MTA1: variants seen among roughly 807,000 people sequenced by gnomAD.
The protein encoded by MTA1 is metastasis-associated protein MTA1.
In MTA1, 15 loss-of-function variants were observed where a neutral mutation model predicts 97.0. The observed-to-expected ratio is 0.15, with a 90% CI of 0.10 to 0.24. The LOEUF (loss-of-function observed/expected upper bound fraction) is 0.24, where lower values mean the gene tolerates loss of function less well. MTA1 is among the 10% of genes least tolerant of loss of function. The pLI is 1.00. For missense variants in MTA1, 709 were observed against 1,015.1 expected (o/e 0.70, Z 4.10); for synonymous variants, 435 against 417.5 (o/e 1.04, Z -0.51).
rs782551933 is a variant in MTA1, at chr14:105,469,920, C to A, written c.1925C>A (p.Pro642Gln). ...VRLIRGGSLPPVKRRRMNWID... is the reference protein window; with the variant it reads ...VRLIRGGSLPQVKRRRMNWID... Reference sequence around the variant, plus strand: ...CTGATCCGGGGGGGCTCCCTGCCCCCAGTCAAGCGGCGGCGGATGAACTGG... The same window carrying A: ...CTGATCCGGGGGGGCTCCCTGCCCCAAGTCAAGCGGCGGCGGATGAACTGG... Residue 642 changes from proline (P) to glutamine (Q), a missense_variant, in exon 20 of 21, where the codon CCA (proline) becomes CAA (glutamine). Around this residue, in one of 2 missense-constraint regions of MTA1, gnomAD observed 388 missense variants for 421.6 expected, o/e 0.92. Coordinates refer to ENST00000331320, the MANE Select transcript of MTA1 (RefSeq NM_004689.4). 3 of 1,612,042 alleles carry A rather than the reference C, an allele frequency of 1.9e-6. No individual in the cohort carries two copies. Among genetic ancestry groups the A allele is most frequent in the Admixed American group, 1.7e-5 (1 of 59,924 alleles).
chr14:105,460,575 G>A, intron 9 of MTA1, 118 bp downstream of exon 9: 2 of 1,222,596 alleles, frequency 1.6e-6, no homozygotes, highest in Non-Finnish European at 2.2e-6. Flanking sequence ...CCCCTGCAGA[G>A]GTGCTGTCCC....
rs1555420622 is a variant in MTA1 at position 105,420,555 on chromosome 14, C to T, written c.28+492C>T. 6.6e-6 allele frequency among the ~76,000 whole-genome samples: 1 copy of T among 152,194 alleles called. No individual in the cohort carries two copies. Among genetic ancestry groups the T allele is most frequent in the African/African-American group, 2.4e-5 (1 of 41,456 alleles). On this transcript the variant is annotated intron_variant, in intron 1 of 20. Coordinates refer to ENST00000331320, the MANE Select transcript of MTA1 (RefSeq NM_004689.4). The surrounding 1 kb of genome is among the most constrained non-coding windows in gnomAD (Gnocchi z 5.3). ...CACGTTCCTCCCTAGAGCCCTCCTG[C>T]AGCCTGGCCCCGGGGCTTCCCCCAG...
At chr14:105,428,703 A>G (rs961833977) in intron 1 of MTA1, among the ~76,000 whole-genome samples, 3 of 136,960 alleles carry the variant, frequency 2.2e-5, no homozygotes, top group African/African-American at 8.3e-5. Flanking sequence ...TACAGAAACC[A>G]AAAAGAAGTG....
rs892301094 is a variant in MTA1, at chr14:105,420,569, G to T, written c.28+506G>T. On this transcript the variant is annotated intron_variant, in intron 1 of 20. Coordinates refer to ENST00000331320, the MANE Select transcript of MTA1 (RefSeq NM_004689.4). The surrounding 1 kb of genome is among the most constrained non-coding windows in gnomAD (Gnocchi z 5.3). The stretch of plus-strand genomic sequence containing the variant: ...GAGCCCTCCTGCAGCCTGGCCCCGG[G>T]GCTTCCCCCAGCAGGGATCCCTCAG... Among the ~76,000 whole-genome samples, 5 of 152,186 alleles carry T rather than the reference G, an allele frequency of 3.3e-5. No homozygotes were observed. The highest frequency in any genetic ancestry group is 1.2e-4 in the African/African-American group (5 of 41,454).
At chr14:105,427,352 TTTGGGGGCTC>T (rs2082043605) in intron 1 of MTA1, among the ~76,000 whole-genome samples, 1 of 152,082 alleles carries the variant, frequency 6.6e-6, no homozygotes, top group Non-Finnish European at 1.5e-5. Flanking sequence ...GCTTCTTGCA[TTTGGGGGCTC>T]TTGGTGATTT....
At chr14:105,425,676 C>T (rs2081987251) in intron 1 of MTA1, among the ~76,000 whole-genome samples, 1 of 151,056 alleles carries the variant, frequency 6.6e-6, no homozygotes, top group African/African-American at 2.4e-5. Flanking sequence ...ACCCCCACCC[C>T]CACCCCAGCT....
At chr14:105,429,604 A>C (rs1274637625) in intron 1 of MTA1, among the ~76,000 whole-genome samples, 2 of 151,760 alleles carry the variant, frequency 1.3e-5, no homozygotes, top group African/African-American at 4.8e-5. Flanking sequence ...GGTGCCCGCC[A>C]CTATGCCCGG....
chr14:105,432,827 A>C (rs587753912), intron 1 of MTA1, among the ~76,000 whole-genome samples: 5 of 152,332 alleles, frequency 3.3e-5, no homozygotes, highest in Admixed American at 1.3e-4. Context: ...GCATTGCCAC[A>C]CAGATTTGCA....
At chr14:105,443,220 G>T (rs1555426241) in intron 2 of MTA1, among the ~76,000 whole-genome samples, 1 of 152,154 alleles carries the variant, frequency 6.6e-6, no homozygotes, top group African/African-American at 2.4e-5. Flanking sequence ...AGAGCATGGT[G>T]GTCCCTGGGT....
At position 105,420,094 on chromosome 14, in the gene MTA1, C is replaced by G; in HGVS notation, c.28+31C>G. 1 of 1,029,686 alleles carries G rather than the reference C, an allele frequency of 9.7e-7. No homozygotes were observed. Among genetic ancestry groups the G allele is most frequent in the Non-Finnish European group, 1.2e-6 (1 of 854,026 alleles). The allele number at this position is 1,029,686 out of a possible 1,614,324, so 63.8% of individuals were successfully genotyped here. On this transcript the variant is annotated intron_variant, in intron 1 of 20. Transcript: ENST00000331320. The surrounding 1 kb of genome is among the most constrained non-coding windows in gnomAD (Gnocchi z 5.3). ...GCCGCACCGCCTTTATGCCCGGCCC[C>G]GACCCGCCCGCAGCCCCCACCCGCC...
chr14:105,452,281 A>G (rs961252015), intron 6 of MTA1, among the ~76,000 whole-genome samples: 2 of 152,270 alleles, frequency 1.3e-5, no homozygotes, highest in Admixed American at 6.5e-5. Flanking sequence ...CTCATGTCAC[A>G]GATAAGCAAG....
chr14:105,439,449 C>G (rs1239885293), intron 2 of MTA1, among the ~76,000 whole-genome samples: 1 of 152,206 alleles, frequency 6.6e-6, no homozygotes, highest in Admixed American at 6.5e-5. Flanking sequence ...CTCCTGGCCT[C>G]CACTGCCTCG....
intron 19 of MTA1, 51 bp from the exon 20 acceptor site, chr14:105,469,782 GCAGGTTGA>G: frequency 2.6e-6 from 2 of 762,162 alleles, no homozygotes; most frequent in Admixed American, 4.3e-5. Context: ...CGGGAGCCCT[GCAGGTTGA>G]GGTGGAGCTG....
At position 105,464,669 on chromosome 14, in the gene MTA1, C is replaced by A; in HGVS notation, c.1345-5C>A. The A allele has an allele frequency of 6.2e-7, 1 of 1,602,462 alleles. No individual in the cohort carries two copies. Among genetic ancestry groups the A allele is most frequent in the Non-Finnish European group, 8.5e-7 (1 of 1,172,566 alleles). ...GTGTTGGGGCGGTTGCGCCCCCTTC[C>A]GCAGAGTCCCCACGGCCTCCCAGCC... is the stretch of plus-strand genomic sequence containing the variant. On this transcript the variant is annotated splice_polypyrimidine_tract_variant and splice_region_variant and intron_variant, in intron 14 of 20. Coordinates refer to ENST00000331320, the MANE Select transcript of MTA1 (RefSeq NM_004689.4).
chr14:105,433,265 G>A (rs899188057), intron 1 of MTA1, among the ~76,000 whole-genome samples: 1 of 152,078 alleles, frequency 6.6e-6, no homozygotes, highest in Admixed American at 6.6e-5. Context: ...AAGCAGGGAC[G>A]CTCCCGTGAG....
At chr14:105,462,286 A>G (rs1167574187) in intron 10 of MTA1, among the ~76,000 whole-genome samples, 1 of 152,190 alleles carries the variant, frequency 6.6e-6, no homozygotes, top group African/African-American at 2.4e-5. Context: ...AATCCATGCC[A>G]CAGCCCGGGC....
At chr14:105,442,125 C>T (rs982475471) in intron 2 of MTA1, among the ~76,000 whole-genome samples, 1 of 152,156 alleles carries the variant, frequency 6.6e-6, no homozygotes, top group Admixed American at 6.5e-5. Flanking sequence ...AAGAGGGGCC[C>T]CTTCAAGGTG....
At position 105,451,789 on chromosome 14, in the gene MTA1, T is replaced by G. The variant is rs1478459389; in HGVS notation, c.432+1465T>G. Reference sequence around the variant, plus strand: ...TTTTTCTTTTTCTTTTTTTGTTTTTTTTTTTTTTTTTTTTTTTTGAGACAG... The same window carrying G: ...TTTTTCTTTTTCTTTTTTTGTTTTTGTTTTTTTTTTTTTTTTTTGAGACAG... On this transcript the variant is annotated intron_variant, in intron 6 of 20. Coordinates refer to ENST00000331320, the MANE Select transcript of MTA1 (RefSeq NM_004689.4). Among the ~76,000 whole-genome samples the G allele has an allele frequency of 2.8e-3, 387 of 139,982 alleles. 1 individual carries two copies. The highest frequency in any genetic ancestry group is 4.2e-3 in the Non-Finnish European group (270 of 64,512). 91.8% of individuals were successfully genotyped at this position (139,982 alleles called of 152,430 possible).
Position 105,470,704 on chromosome 14 carries a change from A to C in MTA1, c.*489A>C, listed in dbSNP as rs1222688118. ...ATATTAAACAAAAACAAAGAAAAAAAATCTTATAAAAAGGAAAAAAACCAA... is the reference window on the plus strand; with the variant it reads ...ATATTAAACAAAAACAAAGAAAAAACATCTTATAAAAAGGAAAAAAACCAA... On this transcript the variant is annotated 3_prime_UTR_variant, in exon 21 of 21. Transcript: ENST00000331320. 1 of 152,954 alleles carries C rather than the reference A, an allele frequency of 6.5e-6. No homozygotes were observed. The highest frequency in any genetic ancestry group is 1.9e-4 in the East Asian group (1 of 5,188). The allele number at this position is 152,954 out of a possible 1,614,324, so 9.5% of individuals were successfully genotyped here.
Sources: gnomAD v4.1 joint callset for allele counts (sites outside exome capture counted in the v4.1 genomes callset) on GRCh38, gnomAD v4.1.1 for gene constraint, gnomAD v4.1.1 regional missense constraint, Gnocchi (gnomAD v3.1) non-coding constraint, MANE v1.5 for transcripts, NCBI Gene and HGNC (gene_info 2026-07-23, HGNC 2026-07-21) for gene names.